MYT1L: variants seen among roughly 807,000 people sequenced by gnomAD.
MYT1L encodes myelin transcription factor 1-like protein.
In MYT1L, 12 loss-of-function variants were observed where a neutral mutation model predicts 126.7. The ratio of observed to expected loss-of-function variants is 0.09; its 90% CI spans 0.06 to 0.15. MYT1L has a LOEUF of 0.15. Ranked by LOEUF, MYT1L falls within the 10% of genes least tolerant of loss-of-function variation. The pLI is 1.00. For synonymous variants in MYT1L, 541 were observed against 604.2 expected (o/e 0.90, Z 1.53); for missense variants, 979 against 1,585.2 (o/e 0.62, Z 6.49).
chr2:1,804,829 A>C (rs1332845956), intron 22 of MYT1L, among the ~76,000 whole-genome samples: 1 of 152,178 alleles, frequency 6.6e-6, no homozygotes, highest in Admixed American at 6.5e-5. Context: ...TTCCTGACAA[A>C]GCGCTTCATG....
chr2:1,916,439 T>C (rs967736108), intron 11 of MYT1L, among the ~76,000 whole-genome samples: 1 of 152,204 alleles, frequency 6.6e-6, no homozygotes, highest in Non-Finnish European at 1.5e-5. Context: ...CTTAAACTCA[T>C]ATACTCATTT....
chr2:2,201,050 A>G (rs1270244457), intron 2 of MYT1L, among the ~76,000 whole-genome samples: 1 of 152,164 alleles, frequency 6.6e-6, no homozygotes, highest in Non-Finnish European at 1.5e-5. Context: ...ACTGTGAGAG[A>G]ACTAGAGTTG....
intron 9 of MYT1L, among the ~76,000 whole-genome samples, chr2:1,933,488 C>A (rs1004193751): frequency 6.6e-6 from 1 of 152,206 alleles, no homozygotes; most frequent in Non-Finnish European, 1.5e-5. Context: ...TTTCTGAATT[C>A]TTCCGAAGAC....
Position 1,943,271 on chromosome 2 carries a change from A to G in MYT1L, c.216T>C (p.Ala72=), listed in dbSNP as rs762283340. ...TCACGGCAAATGGCTTTCGTTTAGG[A>G]GCAGGTTCCTGGGGCTGTTTATCTT... ...KTQDKQPQEP[A]PKRKPFAVKA... Residue 72 remains alanine (A), a synonymous_variant, in exon 9 of 25, where the codon GCT becomes GCC. Transcript: ENST00000647738. This position sits in a 1 kb window ranked among gnomAD's most constrained non-coding sequence, Gnocchi z 4.4. 4.2e-5 allele frequency: 66 copies of G among 1,563,680 alleles called. No individual in the cohort carries two copies. In the South Asian group the frequency reaches 7.0e-4, roughly 16 times the overall value.
chr2:2,105,295 A>G (rs1165362133), intron 3 of MYT1L, among the ~76,000 whole-genome samples: 1 of 152,138 alleles, frequency 6.6e-6, no homozygotes, highest in Admixed American at 6.5e-5. Context: ...GATACTACAG[A>G]CCAGGGAATC....
At chr2:2,316,654 A>G (rs1021237896) in intron 1 of MYT1L, among the ~76,000 whole-genome samples, 3 of 152,178 alleles carry the variant, frequency 2.0e-5, no homozygotes, top group Non-Finnish European at 2.9e-5. Context: ...AAGGCAACCC[A>G]CCACCTACAG....
intron 3 of MYT1L, among the ~76,000 whole-genome samples, chr2:2,172,490 C>A (rs76204465): frequency 0.026 from 3,897 of 152,352 alleles, 74 homozygotes; most frequent in Non-Finnish European, 0.034. Flanking sequence ...ATGCGCAATG[C>A]AACTTTTAAC....
At chr2:1,873,799 C>T (rs979842574) in intron 18 of MYT1L, among the ~76,000 whole-genome samples, 1 of 152,148 alleles carries the variant, frequency 6.6e-6, no homozygotes, top group Non-Finnish European at 1.5e-5. Context: ...ACAAATAGAT[C>T]TTGACTTCCT....
intron 2 of MYT1L, among the ~76,000 whole-genome samples, chr2:2,254,565 G>T (rs1417170691): frequency 6.6e-6 from 1 of 152,200 alleles, no homozygotes; most frequent in Admixed American, 6.5e-5. Context: ...GACAGATTCA[G>T]ACATGTATGT....
chr2:2,037,657 G>A (rs2067016366), intron 4 of MYT1L, among the ~76,000 whole-genome samples: 1 of 151,866 alleles, frequency 6.6e-6, no homozygotes, highest in East Asian at 1.9e-4. Context: ...TTGGGAGGCT[G>A]AGTCAGGAGA....
At chr2:2,260,266 G>C (rs1351670094) in intron 2 of MYT1L, among the ~76,000 whole-genome samples, 1 of 152,192 alleles carries the variant, frequency 6.6e-6, no homozygotes, top group Non-Finnish European at 1.5e-5. Flanking sequence ...ATGGGCATTG[G>C]AGTAATAAAA....
chr2:2,063,949 A>G (rs1485549102), intron 3 of MYT1L, among the ~76,000 whole-genome samples: 1 of 152,194 alleles, frequency 6.6e-6, no homozygotes, highest in African/African-American at 2.4e-5. Context: ...AGATGTTAAC[A>G]CTAGATATTC....
At chr2:2,176,269 G>A (rs768953005) in intron 2 of MYT1L, among the ~76,000 whole-genome samples, 3 of 152,094 alleles carry the variant, frequency 2.0e-5, no homozygotes, top group Non-Finnish European at 2.9e-5. Flanking sequence ...AGGAAATCAG[G>A]AAAAGAATGT....
chr2:2,269,127 C>T (rs1019035775), intron 2 of MYT1L, among the ~76,000 whole-genome samples: 15 of 152,156 alleles, frequency 9.9e-5, no homozygotes, highest in Non-Finnish European at 1.8e-4. Context: ...GGCCATCTAT[C>T]GCTCAACACT....
chr2:2,146,142 A>G (rs896629867), intron 3 of MYT1L, among the ~76,000 whole-genome samples: 2 of 152,266 alleles, frequency 1.3e-5, no homozygotes, highest in African/African-American at 4.8e-5. Context: ...AACTAAGCAC[A>G]TCAGGATAGA....
chr2:1,974,087 A>C (rs760011747), intron 8 of MYT1L, among the ~76,000 whole-genome samples: 1 of 152,166 alleles, frequency 6.6e-6, no homozygotes, highest in African/African-American at 2.4e-5. Context: ...AAATGCCTGG[A>C]GGCCACACCA....
At position 2,057,248 on chromosome 2, in the gene MYT1L, C is replaced by A. The variant is rs143585828; in HGVS notation, c.-303-3125G>T. On this transcript the variant is annotated intron_variant, in intron 3 of 24. Coordinates refer to ENST00000647738, the MANE Select transcript of MYT1L (RefSeq NM_001303052.2). ...CTTTTATAGCCCCGCCCACATCCTGCCCTTTCATCACCAAGTCCACCCTCT... is the reference window on the plus strand; with the variant it reads ...CTTTTATAGCCCCGCCCACATCCTGACCTTTCATCACCAAGTCCACCCTCT... Among the ~76,000 whole-genome samples the A allele has an allele frequency of 4.8e-3, 730 of 152,266 alleles. 8 individuals are homozygous for A. The highest frequency in any genetic ancestry group is 0.016 in the African/African-American group (675 of 41,544).
chr2:2,152,275 T>C lies in MYT1L; in HGVS notation c.-304+20597A>G, dbSNP rs568233975. Reference sequence around the variant, plus strand: ...GTGCACACGCTGGGCAAGGGAACAATTCTGGTCCAGAGCAGGATGGAGCGA... The same window carrying C: ...GTGCACACGCTGGGCAAGGGAACAACTCTGGTCCAGAGCAGGATGGAGCGA... On this transcript the variant is annotated intron_variant, in intron 3 of 24. Coordinates refer to ENST00000647738, the MANE Select transcript of MYT1L (RefSeq NM_001303052.2). Among the ~76,000 whole-genome samples the C allele has an allele frequency of 7.9e-5, 12 of 152,352 alleles. No homozygotes were observed. In the East Asian group the frequency reaches 2.3e-3, roughly 29 times the overall value.
At chr2:2,027,236 C>T (rs1310886990) in intron 4 of MYT1L, among the ~76,000 whole-genome samples, 1 of 152,156 alleles carries the variant, frequency 6.6e-6, no homozygotes. Flanking sequence ...GAGCTCCACC[C>T]CGGGAGGCAG....
Sources: allele counts gnomAD v4.1 joint callset (sites outside exome capture counted in the v4.1 genomes callset), GRCh38; gene constraint gnomAD v4.1.1; non-coding constraint Gnocchi (gnomAD v3.1); transcripts MANE v1.5; gene names NCBI Gene and HGNC (gene_info 2026-07-23, HGNC 2026-07-21).